KCTD1: variants seen among roughly 807,000 people sequenced by gnomAD.
KCTD1 encodes the protein BTB/POZ domain-containing protein KCTD1.
In KCTD1, 24 loss-of-function variants were observed where a neutral mutation model predicts 66.0. The ratio of observed to expected loss-of-function variants is 0.36; its 90% confidence interval spans 0.26 to 0.51. KCTD1 has a LOEUF of 0.51. Among genes scored for constraint, KCTD1 ranks in the 20% least tolerant of loss-of-function variants. KCTD1 has a pLI of 0.95. For synonymous variants in KCTD1, 511 were observed against 517.2 expected, an observed-to-expected ratio of 0.99 and a Z score of 0.16; for missense variants, 943 against 1,205.2, an observed-to-expected ratio of 0.78 and a Z score of 3.22.
At position 26,526,827 on chromosome 18, in the gene KCTD1, G is replaced by A. The variant is rs188920019; in HGVS notation, c.1809+19901C>T. 3.2e-3 allele frequency among the ~76,000 whole-genome samples: 479 copies of A among 150,110 alleles called. 7 individuals carry two copies. The highest frequency in any genetic ancestry group is 1.3e-3 in the Non-Finnish European group (88 of 67,708). ...CTTATCTCTGAGGGAGCCTTTCCCT[G>A]AAGAACTGGTATTTTCAGTCCCATT... is the stretch of plus-strand genomic sequence containing the variant. On this transcript the variant is annotated intron_variant, in intron 1 of 4. Coordinates refer to ENST00000580059, the MANE Select transcript of KCTD1 (RefSeq NM_001142730.3).
intron 1 of KCTD1, among the ~76,000 whole-genome samples, chr18:26,501,474 T>C (rs977463661): frequency 6.6e-6 from 1 of 152,236 alleles, no homozygotes; most frequent in Non-Finnish European, 1.5e-5. Flanking sequence ...GCTGAACTAA[T>C]GTTCACTTCA....
At chr18:26,470,234 T>C (rs1980979435) in intron 3 of KCTD1, among the ~76,000 whole-genome samples, 2 of 152,074 alleles carry the variant, frequency 1.3e-5, no homozygotes, top group African/African-American at 4.8e-5. Flanking sequence ...TTTCAACCTC[T>C]TTCCCTTGCC....
intron 1 of KCTD1, among the ~76,000 whole-genome samples, chr18:26,578,744 C>G (rs1383566088): frequency 6.6e-6 from 1 of 152,198 alleles, no homozygotes; most frequent in Non-Finnish European, 1.5e-5. Flanking sequence ...GACTTCTCTT[C>G]CCTTCCTCTA....
chr18:26,461,789 A>G (rs1158443164), intron 3 of KCTD1, among the ~76,000 whole-genome samples: 1 of 152,186 alleles, frequency 6.6e-6, no homozygotes, highest in African/African-American at 2.4e-5. Context: ...TAATTACAAA[A>G]CTTAGCACAA....
At chr18:26,549,652 G>A (rs551983681), upstream of KCTD1, 14 of 947,606 alleles carry the variant, frequency 1.5e-5, no homozygotes, top group African/African-American at 1.8e-4. Flanking sequence ...TCGGGCAGGC[G>A]GAAAAAGCGA....
chr18:26,535,971 C>CAAAA (rs36119174), intron 1 of KCTD1, among the ~76,000 whole-genome samples: 23 of 122,786 alleles, frequency 1.9e-4, no homozygotes, highest in Admixed American at 2.7e-4. Flanking sequence ...GTGATTCCTC[C>CAAAA]AAAAAAAAAA....
intron 1 of KCTD1, among the ~76,000 whole-genome samples, chr18:26,540,945 C>A (rs1236037888): frequency 6.6e-6 from 1 of 152,064 alleles, no homozygotes. Flanking sequence ...TCCAGATACT[C>A]CCAGGAAAGG....
At chr18:26,647,137 G>A (rs2145072390) in intron 1 of KCTD1, among the ~76,000 whole-genome samples, 1 of 152,280 alleles carries the variant, frequency 6.6e-6, no homozygotes, top group South Asian at 2.1e-4. Context: ...CAGAGCTAGT[G>A]TGACTTATAC....
intron 1 of KCTD1, among the ~76,000 whole-genome samples, chr18:26,513,609 C>T (rs1983470863): frequency 6.6e-6 from 1 of 152,192 alleles, no homozygotes; most frequent in Non-Finnish European, 1.5e-5. Flanking sequence ...CACCAATGAG[C>T]TATGTGGCCT....
intron 1 of KCTD1, among the ~76,000 whole-genome samples, chr18:26,525,886 A>G (rs1598917813): frequency 6.6e-6 from 1 of 152,076 alleles, no homozygotes; most frequent in African/African-American, 2.4e-5. Context: ...TGTGCTCAGC[A>G]TATTTTCTTA....
chr18:26,548,226 G>A lies in KCTD1; in HGVS notation c.311C>T (p.Pro104Leu). Residue 104 changes from proline to leucine, a missense_variant, in exon 1 of 5, where the codon CCC (proline) becomes CTC (leucine). Pro to Leu is a moderately conservative substitution (Grantham distance 98). Around this residue, in one of 10 missense-constraint regions of KCTD1, gnomAD observed 236 missense variants for 206.6 expected, o/e 1.14. Transcript: ENST00000580059. ...EEEMGLDWDE[P>L]LEPEDSAGEE... The stretch of plus-strand genomic sequence containing the variant: ...CCCGGCCGAGTCCTCGGGCTCCAGG[G>A]GCTCGTCCCAGTCCAGCCCCATCTC... 4.6e-6 allele frequency: 7 copies of A among 1,509,220 alleles called. No homozygotes were observed. The highest frequency in any genetic ancestry group is 6.2e-6 in the Non-Finnish European group (7 of 1,132,620). The allele number at this position is 1,509,220 out of a possible 1,614,324, so 93.5% of individuals were successfully genotyped here. A position where few individuals can be genotyped will look rare whatever the true frequency, so the allele number is the denominator to read the frequency against.
At chr18:26,656,093 A>G (rs1988130498) in intron 1 of KCTD1, among the ~76,000 whole-genome samples, 2 of 152,186 alleles carry the variant, frequency 1.3e-5, no homozygotes, top group East Asian at 3.9e-4. Context: ...GAAAGGAGCC[A>G]AACTGAATCC....
intron 1 of KCTD1, among the ~76,000 whole-genome samples, chr18:26,564,895 A>G (rs1985946943): frequency 6.6e-6 from 1 of 151,858 alleles, no homozygotes; most frequent in Non-Finnish European, 1.5e-5. Flanking sequence ...GTCTCAAGAA[A>G]AAAAAAAAAA....
chr18:26,560,571 A>G (rs1985823469), intron 1 of KCTD1, among the ~76,000 whole-genome samples: 3 of 152,148 alleles, frequency 2.0e-5, no homozygotes, highest in African/African-American at 7.2e-5. Context: ...TGCAACTAAG[A>G]TTGGGACCCA....
At chr18:26,581,251 A>G (rs935749634) in intron 1 of KCTD1, 2 of 152,096 alleles carry the variant, frequency 1.3e-5, no homozygotes, top group African/African-American at 4.8e-5. Flanking sequence ...TGTTTTGTAC[A>G]TGTTTTTGTT....
chr18:26,507,476 C>T (rs926298773), intron 1 of KCTD1, among the ~76,000 whole-genome samples: 3 of 152,026 alleles, frequency 2.0e-5, no homozygotes, highest in Admixed American at 2.0e-4. Flanking sequence ...GTCAAGCGAT[C>T]CTCCTGCCTC....
intron 1 of KCTD1, among the ~76,000 whole-genome samples, chr18:26,541,543 T>C (rs1984974926): frequency 6.6e-6 from 1 of 152,218 alleles, no homozygotes; most frequent in Admixed American, 6.5e-5. Context: ...GGATCTTTTT[T>C]AGGGAGAAAG....
At chr18:26,599,451 TG>T in intron 1 of KCTD1, 1 of 1,611,872 alleles carries the variant, frequency 6.2e-7, no homozygotes, top group East Asian at 2.2e-5. Context: ...GGCAGTGGTC[TG>T]GGATAAGTCA....
intron 3 of KCTD1, among the ~76,000 whole-genome samples, chr18:26,470,242 G>C (rs955016204): frequency 6.6e-6 from 1 of 151,494 alleles, no homozygotes; most frequent in Non-Finnish European, 1.5e-5. Flanking sequence ...TCTTTCCCTT[G>C]CCTATTTCTC....
Sources: allele counts gnomAD v4.1 joint callset (sites outside exome capture counted in the v4.1 genomes callset), GRCh38; gene constraint gnomAD v4.1.1; regional missense constraint gnomAD v4.1.1; transcripts MANE v1.5; gene names NCBI Gene and HGNC (gene_info 2026-07-23, HGNC 2026-07-21).